The following ASIC2 variants were observed in gnomAD, a reference collection of about 807,000 sequenced individuals.
ASIC2 encodes acid sensing ion channel subunit 2.
Under a neutral mutation model 57.3 loss-of-function variants are expected in ASIC2, and 25 were observed. The ratio of observed to expected loss-of-function variants is 0.44; its 90% CI spans 0.32 to 0.61. The LOEUF is 0.61. ASIC2 is among the 20% of genes least tolerant of loss of function. The probability of loss-of-function intolerance (pLI) is 0.06; values close to 1 mark genes in which losing one functional copy is unlikely to be tolerated. For missense variants in ASIC2, 641 were observed against 738.1 expected (o/e 0.87, Z 1.52); for synonymous variants, 319 against 307.5 (o/e 1.04, Z -0.39).
chr17:33,728,752 A>G (rs1325867336), intron 1 of ASIC2, among the ~76,000 whole-genome samples: 2 of 152,172 alleles, frequency 1.3e-5, no homozygotes, highest in African/African-American at 4.8e-5. Flanking sequence ...GAGTTGTCAG[A>G]GTAGATTGAG....
intron 1 of ASIC2, chr17:33,935,993 A>C: frequency 6.6e-6 from 1 of 152,238 alleles, no homozygotes; most frequent in East Asian, 1.9e-4. Context: ...GATACTGGGC[A>C]GGTGACTTAC....
intron 1 of ASIC2, among the ~76,000 whole-genome samples, chr17:33,622,386 T>A (rs962813746): frequency 1.3e-5 from 2 of 152,038 alleles, no homozygotes; most frequent in African/African-American, 2.4e-5. Context: ...ACAGTTTTTT[T>A]AAAAAAAGAC....
At chr17:34,126,072 T>C (rs1465929884) in intron 1 of ASIC2, among the ~76,000 whole-genome samples, 4 of 152,128 alleles carry the variant, frequency 2.6e-5, no homozygotes, top group African/African-American at 4.8e-5. Flanking sequence ...GTAGGCACAT[T>C]CAAGAGCTGG....
At chr17:33,474,749 T>G (rs4795797) in intron 1 of ASIC2, among the ~76,000 whole-genome samples, 1 of 152,086 alleles carries the variant, frequency 6.6e-6, no homozygotes, top group Non-Finnish European at 1.5e-5. Flanking sequence ...CAGCCTCCTA[T>G]GGCAGAGGGC....
chr17:33,111,392 T>C (rs1045090230), intron 2 of ASIC2, among the ~76,000 whole-genome samples: 1 of 152,234 alleles, frequency 6.6e-6, no homozygotes, highest in African/African-American at 2.4e-5. Context: ...AAATAAGCTT[T>C]AGGGTCTATA....
At chr17:33,285,525 T>C (rs1314049047) in intron 1 of ASIC2, among the ~76,000 whole-genome samples, 1 of 152,226 alleles carries the variant, frequency 6.6e-6, no homozygotes, top group Non-Finnish European at 1.5e-5. Flanking sequence ...TAAATCCCGT[T>C]GATCATTTGG....
intron 1 of ASIC2, among the ~76,000 whole-genome samples, chr17:33,949,275 G>C (rs563455327): frequency 2.0e-5 from 3 of 152,092 alleles, no homozygotes; most frequent in Non-Finnish European, 4.4e-5. Flanking sequence ...GGGCACGAGC[G>C]AGAACTGGTC....
At chr17:33,682,423 T>G (rs1908039553) in intron 1 of ASIC2, among the ~76,000 whole-genome samples, 1 of 152,024 alleles carries the variant, frequency 6.6e-6, no homozygotes, top group Non-Finnish European at 1.5e-5. Flanking sequence ...TGAGCTCCAT[T>G]TTCCCATTTT....
At chr17:33,163,009 C>A (rs1314794386) in intron 1 of ASIC2, among the ~76,000 whole-genome samples, 2 of 152,182 alleles carry the variant, frequency 1.3e-5, no homozygotes, top group Non-Finnish European at 2.9e-5. Flanking sequence ...GTCTACTGGC[C>A]TGTTCTTGGG....
intron 1 of ASIC2, among the ~76,000 whole-genome samples, chr17:33,126,856 C>CTTTTTTTTT (rs1159710708): frequency 9.4e-5 from 8 of 85,326 alleles, no homozygotes; most frequent in Non-Finnish European, 1.3e-4. Flanking sequence ...TACCATTACT[C>CTTTTTTTTT]TTTTTTTTTT....
chr17:33,623,583 G>A (rs1905880734), intron 1 of ASIC2: 1 of 151,986 alleles, frequency 6.6e-6, no homozygotes, highest in Admixed American at 6.6e-5. Flanking sequence ...GATATCTTAT[G>A]GTGGTAAAGT....
At chr17:33,619,368 A>T (rs1905705767) in intron 1 of ASIC2, among the ~76,000 whole-genome samples, 1 of 152,188 alleles carries the variant, frequency 6.6e-6, no homozygotes, top group South Asian at 2.1e-4. Context: ...AATTATACTC[A>T]ATAATAAATT....
At chr17:34,128,089 A>C (rs149413311) in intron 1 of ASIC2, among the ~76,000 whole-genome samples, 67 of 152,276 alleles carry the variant, frequency 4.4e-4, no homozygotes, top group African/African-American at 1.5e-3. Flanking sequence ...AATCTTAATA[A>C]ATGTTTGAGA....
At chr17:33,790,485 T>C (rs534194100) in intron 1 of ASIC2, among the ~76,000 whole-genome samples, 1 of 152,352 alleles carries the variant, frequency 6.6e-6, no homozygotes, top group East Asian at 1.9e-4. Context: ...GTTTGCAGTA[T>C]TGGTTAGCTA....
chr17:33,415,894 G>A lies in ASIC2; in HGVS notation c.556-303827C>T, dbSNP rs8079178. ...AGAAGGCTGTACTCCTCTCTGTTCCGCCTGGAACCTGTGTGGGCCTGGCGG... is the reference window on the plus strand; with the variant it reads ...AGAAGGCTGTACTCCTCTCTGTTCCACCTGGAACCTGTGTGGGCCTGGCGG... On this transcript the variant is annotated intron_variant, in intron 1 of 9. Coordinates refer to the ASIC2 transcript ENST00000359872. Among the ~76,000 whole-genome samples the A allele has an allele frequency of 3.2e-4, 48 of 152,270 alleles. 2 individuals are homozygous for A. The South Asian group carries it at 4.4e-3, about 14-fold the overall frequency.
At chr17:33,269,627 C>CTTCCTTCT (rs1220552450) in intron 1 of ASIC2, among the ~76,000 whole-genome samples, 28 of 52,136 alleles carry the variant, frequency 5.4e-4, no homozygotes, top group African/African-American at 1.7e-3. Context: ...TCCTTCCTTC[C>CTTCCTTCT]TTCCTTCCTT....
chr17:33,282,827 C>CCCACCTCCTTTTG (rs1375532731), intron 1 of ASIC2, among the ~76,000 whole-genome samples: 10 of 152,150 alleles, frequency 6.6e-5, no homozygotes, highest in Admixed American at 6.5e-4. Flanking sequence ...CTCTGATTCT[C>CCCACCTCCTTTTG]CCACCTCCTT....
At chr17:33,251,201 A>T (rs1908869329) in intron 1 of ASIC2, among the ~76,000 whole-genome samples, 2 of 152,194 alleles carry the variant, frequency 1.3e-5, no homozygotes, top group South Asian at 4.1e-4. Context: ...CTTGCAGTTG[A>T]TCTCTACAGT....
chr17:33,054,104 G>A (rs1376613888), intron 3 of ASIC2, among the ~76,000 whole-genome samples: 1 of 151,988 alleles, frequency 6.6e-6, no homozygotes, highest in East Asian at 1.9e-4. Flanking sequence ...GGCTCAGTTT[G>A]TGCCCTTCTG....
Sources: allele counts gnomAD v4.1 joint callset (sites outside exome capture counted in the v4.1 genomes callset), GRCh38; gene constraint gnomAD v4.1.1; transcripts MANE v1.5; gene names NCBI Gene and HGNC (gene_info 2026-07-23, HGNC 2026-07-21).